The following SLC8A3 variants were observed in gnomAD, a reference collection of about 807,000 sequenced individuals.
The protein encoded by SLC8A3 is sodium/calcium exchanger 3.
In SLC8A3, 37 loss-of-function variants were observed where a neutral mutation model predicts 65.4. The observed-to-expected ratio is 0.57, with a 90% CI of 0.44 to 0.74. The LOEUF is 0.74. Ranked by LOEUF, SLC8A3 falls within the 30% of genes least tolerant of loss-of-function variation. The pLI is 0.00. For missense variants in SLC8A3, 1,112 were observed against 1,172.1 expected (o/e 0.95, Z 0.75); for synonymous variants, 461 against 444.5 (o/e 1.04, Z -0.47).
intron 2 of SLC8A3, among the ~76,000 whole-genome samples, chr14:70,118,800 G>A (rs866628397): frequency 5.9e-5 from 9 of 152,128 alleles, no homozygotes; most frequent in Non-Finnish European, 1.3e-4. Flanking sequence ...GCATCAGGGG[G>A]ACATAGGTAG....
chr14:70,056,433 A>G (rs1273173296), intron 3 of SLC8A3, among the ~76,000 whole-genome samples: 2 of 152,140 alleles, frequency 1.3e-5, no homozygotes, highest in Non-Finnish European at 2.9e-5. Flanking sequence ...GTTGACTAGA[A>G]CTTTGATTTC....
chr14:70,062,136 G>C (rs1282394722), intron 2 of SLC8A3, among the ~76,000 whole-genome samples: 1 of 10,082 alleles, frequency 9.9e-5, no homozygotes, highest in Non-Finnish European at 2.7e-4. Flanking sequence ...GATTGGGGGA[G>C]GGGAGGCTAA....
intron 1 of SLC8A3, among the ~76,000 whole-genome samples, chr14:70,185,006 G>A (rs1323659751): frequency 6.0e-5 from 8 of 133,220 alleles, no homozygotes; most frequent in East Asian, 2.2e-4. Context: ...TTGCTCTGTC[G>A]CCCAAGCTGG....
At chr14:70,065,021 G>A (rs994033518) in intron 2 of SLC8A3, among the ~76,000 whole-genome samples, 1 of 152,108 alleles carries the variant, frequency 6.6e-6, no homozygotes, top group Admixed American at 6.5e-5. Context: ...GTGGAACTGG[G>A]TCTCCCCTCA....
Position 70,123,941 on chromosome 14 carries a change from G to A in SLC8A3, c.1784+42698C>T, listed in dbSNP as rs1894262109. On this transcript the variant is annotated intron_variant, in intron 2 of 6. Transcript: ENST00000356921. ...TTTCCAGGTCTGGCCTCCCTCCCAG[G>A]CTCCGGTCCCCCAGGGTCAGCAGAC... Among the ~76,000 whole-genome samples the A allele has an allele frequency of 2.0e-5, 3 of 152,064 alleles. No homozygotes were observed. In the South Asian group the frequency reaches 6.3e-4, roughly 32 times the overall value.
At chr14:70,165,355 C>T (rs942189749) in intron 2 of SLC8A3, among the ~76,000 whole-genome samples, 4 of 152,158 alleles carry the variant, frequency 2.6e-5, no homozygotes, top group African/African-American at 9.7e-5. Context: ...CCTAGGACAC[C>T]TCTCCCTAGC....
chr14:70,180,172 C>T (rs1373103602), intron 1 of SLC8A3, among the ~76,000 whole-genome samples: 2 of 152,234 alleles, frequency 1.3e-5, no homozygotes, highest in Admixed American at 6.5e-5. Context: ...GTTGCAAAGC[C>T]ATCAAGGGAT....
In SLC8A3 at chr14:70,152,642, T is replaced by C. The variant is rs75182168; in HGVS notation, c.1784+13997A>G. Among the ~76,000 whole-genome samples the C allele has an allele frequency of 6.4e-4, 98 of 152,216 alleles. No individual in the cohort carries two copies. The East Asian group carries it at 0.014, about 21-fold the overall frequency. ...CCTCCTACACACCCAAGAAAAATCC[T>C]GGGCAGACAGATCTGTATGGCAAAG... On this transcript the variant is annotated intron_variant, in intron 2 of 6. Coordinates refer to ENST00000356921, the MANE Select transcript of SLC8A3 (RefSeq NM_182932.3).
intron 2 of SLC8A3, among the ~76,000 whole-genome samples, chr14:70,116,016 C>G (rs1343931177): frequency 6.6e-6 from 1 of 152,070 alleles, no homozygotes. Flanking sequence ...ATGCCAGGCC[C>G]AAGTTTCTCA....
At chr14:70,152,986 C>T (rs773682411) in intron 2 of SLC8A3, among the ~76,000 whole-genome samples, 1 of 152,208 alleles carries the variant, frequency 6.6e-6, no homozygotes, top group Non-Finnish European at 1.5e-5. Context: ...AGCACAGAAA[C>T]ACCCTCTGAA....
At chr14:70,056,590 G>A (rs1305864115) in intron 3 of SLC8A3, among the ~76,000 whole-genome samples, 2 of 152,162 alleles carry the variant, frequency 1.3e-5, no homozygotes, top group Non-Finnish European at 2.9e-5. Context: ...CCCTGCATGT[G>A]GTAGTGTTCA....
chr14:70,060,634 A>G, intron 3 of SLC8A3: 1 of 718,506 alleles, frequency 1.4e-6, no homozygotes, highest in East Asian at 2.7e-5. Flanking sequence ...GAAGGCAGAG[A>G]TGATACCGAA....
chr14:70,057,323 T>C (rs1482688921), intron 3 of SLC8A3, among the ~76,000 whole-genome samples: 1 of 151,910 alleles, frequency 6.6e-6, no homozygotes, highest in Admixed American at 6.6e-5. Context: ...GATAGATAGA[T>C]AGATAGATAG....
chr14:70,049,003 A>G lies in SLC8A3; in HGVS notation c.2153T>C (p.Leu718Pro), dbSNP rs755961159. Residue 718 changes from leucine (L) to proline (P), a missense_variant, in exon 6 of 7, where the codon CTG (leucine) becomes CCG (proline). By Grantham distance (98) the Leu-to-Pro change is moderately conservative. Transcript: ENST00000356921. ...EDEDESGEER[L>P]PSCFDYVMHF... Reference sequence around the variant, plus strand: ...CATGACGTAGTCAAAGCAGGAGGGCAGCCTCTCCTCCCCGGATTCATCCTC... The same window carrying G: ...CATGACGTAGTCAAAGCAGGAGGGCGGCCTCTCCTCCCCGGATTCATCCTC... 2 of 1,613,898 alleles carry G rather than the reference A, an allele frequency of 1.2e-6. No individual in the cohort carries two copies. The highest frequency in any genetic ancestry group is 1.1e-5 in the South Asian group (1 of 91,058).
intron 1 of SLC8A3, among the ~76,000 whole-genome samples, chr14:70,176,286 T>A (rs1897905875): frequency 6.6e-6 from 1 of 152,216 alleles, no homozygotes. Flanking sequence ...TGGGTCTACA[T>A]CTGCGTTTAA....
intron 2 of SLC8A3, among the ~76,000 whole-genome samples, chr14:70,073,016 CAT>C (rs1032772532): frequency 6.6e-6 from 1 of 152,140 alleles, no homozygotes; most frequent in Non-Finnish European, 1.5e-5. Context: ...ATGCCCCAAA[CAT>C]GTCATTCCTC....
At chr14:70,185,755 T>C (rs771232174) in intron 1 of SLC8A3, among the ~76,000 whole-genome samples, 4 of 152,234 alleles carry the variant, frequency 2.6e-5, no homozygotes, top group Non-Finnish European at 5.9e-5. Flanking sequence ...GAGTCTGTTA[T>C]CTAGAGGTGT....
intron 2 of SLC8A3, among the ~76,000 whole-genome samples, chr14:70,103,556 A>G (rs1488152128): frequency 6.6e-6 from 1 of 152,064 alleles, no homozygotes; most frequent in East Asian, 1.9e-4. Flanking sequence ...AGCTTCTTCT[A>G]TTTTATGTGA....
chr14:70,092,673 A>C (rs1349326656), intron 2 of SLC8A3, among the ~76,000 whole-genome samples: 3 of 152,150 alleles, frequency 2.0e-5, no homozygotes, highest in Non-Finnish European at 4.4e-5. Flanking sequence ...ATTTAAACTG[A>C]AGATGTGGGT....
Sources: allele counts gnomAD v4.1 joint callset (sites outside exome capture counted in the v4.1 genomes callset), GRCh38; gene constraint gnomAD v4.1.1; transcripts MANE v1.5; gene names NCBI Gene and HGNC (gene_info 2026-07-23, HGNC 2026-07-21).